Variants in APC2 observed in about 807,000 individuals in gnomAD.
APC2 encodes APC regulator of Wnt signaling pathway 2, also known as adenomatous polyposis coli protein 2.
In APC2, 41 loss-of-function variants were observed where a neutral mutation model predicts 72.5. The observed-to-expected ratio is 0.57, with a 90% CI of 0.44 to 0.73. The LOEUF (loss-of-function observed/expected upper bound fraction) is 0.73. Ranked by LOEUF, APC2 falls within the 30% of genes least tolerant of loss-of-function variation. The probability of loss-of-function intolerance (pLI) is 0.00; values close to 1 mark genes in which losing one functional copy is unlikely to be tolerated. For synonymous variants in APC2, 1,898 were observed against 1,612.0 expected, an observed-to-expected ratio of 1.18 and a Z score of -4.25; for missense variants, 3,729 against 3,403.4, an observed-to-expected ratio of 1.10 and a Z score of -2.38.
Position 1,452,781 on chromosome 19 carries a change from C to T in APC2, c.-18-203C>T. 1 of 600,844 alleles carries T rather than the reference C, an allele frequency of 1.7e-6. No homozygotes were observed. The highest frequency in any genetic ancestry group is 2.9e-6 in the Non-Finnish European group (1 of 349,092). The allele number at this position is 600,844 out of a possible 1,614,324, so 37.2% of individuals were successfully genotyped here. A position where few individuals can be genotyped will look rare whatever the true frequency, so the allele number is the denominator to read the frequency against. Reference sequence around the variant, plus strand: ...TCTCCCCTTGGGGCCACCTCTCACTCCACCTGCCCCTCTGCGCCCCGGATT... The same window carrying T: ...TCTCCCCTTGGGGCCACCTCTCACTTCACCTGCCCCTCTGCGCCCCGGATT... On this transcript the variant is annotated intron_variant, in intron 1 of 14. Coordinates refer to ENST00000590469, the MANE Select transcript of APC2 (RefSeq NM_005883.3). This position sits in a 1 kb window ranked among gnomAD's most constrained non-coding sequence, Gnocchi z 5.1.
At position 1,466,721 on chromosome 19, in the gene APC2, A is replaced by C; in HGVS notation, c.3420A>C (p.Glu1140Asp). The C allele has an allele frequency of 3.3e-6, 5 of 1,535,374 alleles. No homozygotes were observed. Among genetic ancestry groups the C allele is most frequent in the Non-Finnish European group, 3.5e-6 (4 of 1,138,734 alleles). ...ACCGAGGCCGGGGCCTGGGGGTGGA[A>C]GACGCCACGCCGTCCAGCTCGTCGG... ...RRNRGRGLGV[E>D]DATPSSSSEN... The change falls in exon 15 of 15, where the codon GAA becomes GAC. Residue 1140 changes from glutamate to aspartate, a missense_variant. Glu to Asp is a conservative substitution (Grantham distance 45). Coordinates refer to ENST00000590469, the MANE Select transcript of APC2 (RefSeq NM_005883.3).
In APC2 at chr19:1,458,042, C is replaced by T. The variant is rs868027511; in HGVS notation, c.1285C>T (p.Arg429Cys). Residue 429 changes from arginine (R) to cysteine (C), a missense_variant, in exon 10 of 15, where the codon CGT (arginine) becomes TGT (cysteine). By Grantham distance (180) the Arg-to-Cys change is radical (BLOSUM62 -3). Transcript: ENST00000590469. ...MKLSFDEEYR[R>C]AMNELGGLQA... ...GCTGTCCTTTGATGAGGAGTACCGC[C>T]GTGCCATGAACGAGCTAGGTGAGTG... 9 of 1,564,264 alleles carry T rather than the reference C, an allele frequency of 5.8e-6. No homozygotes were observed. Among genetic ancestry groups the T allele is most frequent in the South Asian group, 2.4e-5 (2 of 85,032 alleles).
chr19:1,460,413 C>A, intron 11 of APC2, 93 bp downstream of exon 11: 2 of 1,565,364 alleles, frequency 1.3e-6, no homozygotes, highest in Non-Finnish European at 1.7e-6. Context: ...CGAAACAGCC[C>A]TGAGAGCTGG....
At position 1,466,421 on chromosome 19, in the gene APC2, C is replaced by G. The variant is rs757888565; in HGVS notation, c.3120C>G (p.Pro1040=). The change falls in exon 15 of 15, where the codon CCC becomes CCG. Residue 1040 remains proline (P), a synonymous_variant. Transcript: ENST00000590469. Reference sequence around the variant, plus strand: ...CGGCAGACCACCTGAGCAAGGTTCCCGAGAAGCTGGCGGCTGCCCCGCTGT... The same window carrying G: ...CGGCAGACCACCTGAGCAAGGTTCCGGAGAAGCTGGCGGCTGCCCCGCTGT... ...WLPADHLSKV[P]EKLAAAPLSV... 13 of 1,597,104 alleles carry G rather than the reference C, an allele frequency of 8.1e-6. No homozygotes were observed. The highest frequency in any genetic ancestry group is 1.1e-5 in the Non-Finnish European group (13 of 1,178,744).
chr19:1,454,997 C>CCT, intron 4 of APC2, 152 bp from the exon 5 acceptor site: 1 of 139,968 alleles, frequency 7.1e-6, no homozygotes, highest in Non-Finnish European at 1.3e-5. Flanking sequence ...CCCCCCCCCC[C>CCT]TTACCCTAGC....
Position 1,455,511 on chromosome 19 carries a change from G to A in APC2, c.639+11G>A, listed in dbSNP as rs781318098. On this transcript the variant is annotated intron_variant, in intron 6 of 14. Transcript: ENST00000590469. ...GTGCAGCGGGCACAGGTGCGGCGGT[G>A]GGCGGGGTGGCGCGGCGGTAGGCGG... 42 of 1,594,222 alleles carry A rather than the reference G, an allele frequency of 2.6e-5. No homozygotes were observed. Among genetic ancestry groups the A allele is most frequent in the Non-Finnish European group, 3.2e-5 (38 of 1,170,002 alleles).
At chr19:1,458,970 C>G (rs1453553700) in intron 10 of APC2, among the ~76,000 whole-genome samples, 1 of 152,040 alleles carries the variant, frequency 6.6e-6, no homozygotes, top group Non-Finnish European at 1.5e-5. Context: ...AGGCGCGAGC[C>G]ACCACGCCCG....
chr19:1,473,136 T>C lies in APC2; in HGVS notation c.*2923T>C, dbSNP rs887413681. 1.3e-5 allele frequency: 2 copies of C among 152,248 alleles called. No homozygotes were observed. Among genetic ancestry groups the C allele is most frequent in the Admixed American group, 6.5e-5 (1 of 15,284 alleles). 9.4% of individuals were successfully genotyped at this position (152,248 alleles called of 1,614,324 possible). A position where few individuals can be genotyped will look rare whatever the true frequency, so the allele number is the denominator to read the frequency against. ...AAACGGACGTGTAAATAGTGGTAAA[T>C]AGTGAAAGCCTGTCCTTCCCTAAAT... On this transcript the variant is annotated 3_prime_UTR_variant, in exon 15 of 15. Coordinates refer to ENST00000590469, the MANE Select transcript of APC2 (RefSeq NM_005883.3).
chr19:1,456,158 CGGGTGGGGCAGAGCCAGGGACCAG>C lies in APC2; in HGVS notation c.717+12_717+35del. The C allele has an allele frequency of 6.3e-7, 1 of 1,583,274 alleles. No homozygotes were observed. The highest frequency in any genetic ancestry group is 8.6e-7 in the Non-Finnish European group (1 of 1,167,310). On this transcript the variant is annotated splice_donor_region_variant and intron_variant, in intron 7 of 14. Coordinates refer to ENST00000590469, the MANE Select transcript of APC2 (RefSeq NM_005883.3). ...GTGCAGCAGACGGAGCCCCAGGTAC[CGGGTGGGGCAGAGCCAGGGACCAG>C]GGGTGGTGTCGGCCCAGGCAGAACG... is the stretch of plus-strand genomic sequence containing the variant.
In APC2 at chr19:1,467,537, G is replaced by A; in HGVS notation, c.4236G>A (p.Gln1412=). ...SAASLSDETL[Q]GPPRDQPGGP... Reference sequence around the variant, plus strand: ...CCTCGCTCAGCGACGAGACGCTGCAGGGACCCCCCAGGGACCAGCCCGGGG... The same window carrying A: ...CCTCGCTCAGCGACGAGACGCTGCAAGGACCCCCCAGGGACCAGCCCGGGG... Residue 1412 remains glutamine, a synonymous_variant, in exon 15 of 15, where the codon CAG becomes CAA. Transcript: ENST00000590469. 2 of 1,489,396 alleles carry A rather than the reference G, an allele frequency of 1.3e-6. No homozygotes were observed. Among genetic ancestry groups the A allele is most frequent in the Non-Finnish European group, 1.8e-6 (2 of 1,124,838 alleles). The allele number at this position is 1,489,396 out of a possible 1,614,324, so 92.3% of individuals were successfully genotyped here.
upstream of APC2, among the ~76,000 whole-genome samples, chr19:1,449,957 C>A (rs986170062): frequency 6.6e-6 from 1 of 152,182 alleles, no homozygotes; most frequent in East Asian, 1.9e-4. Context: ...GGTTTCGCCC[C>A]CCGCACTCAC....
chr19:1,456,180 CA>C (rs1568168183), intron 7 of APC2, 27 bp downstream of exon 7: 1 of 1,567,994 alleles, frequency 6.4e-7, no homozygotes, highest in East Asian at 2.3e-5. Context: ...AGCCAGGGAC[CA>C]GGGGTGGTGT....
Position 1,450,203 on chromosome 19 carries a change from C to G in APC2, c.-154C>G. The G allele has an allele frequency of 1.9e-5, 19 of 985,378 alleles. No individual in the cohort carries two copies. The highest frequency in any genetic ancestry group is 2.2e-5 in the Non-Finnish European group (18 of 829,922). 61.0% of individuals were successfully genotyped at this position (985,378 alleles called of 1,614,324 possible). Reference sequence around the variant, plus strand: ...GCTTTGTCCGCCCCGGAGCCCCTGCCCGCGCCGCGGAGACCCCGGAGCCCG... The same window carrying G: ...GCTTTGTCCGCCCCGGAGCCCCTGCGCGCGCCGCGGAGACCCCGGAGCCCG... On this transcript the variant is annotated 5_prime_UTR_variant, in exon 1 of 15. Coordinates refer to ENST00000590469, the MANE Select transcript of APC2 (RefSeq NM_005883.3).
chr19:1,456,159 G>T lies in APC2; in HGVS notation c.717+6G>T, dbSNP rs779328841. ...TGCAGCAGACGGAGCCCCAGGTACC[G>T]GGTGGGGCAGAGCCAGGGACCAGGG... On this transcript the variant is annotated splice_donor_region_variant and intron_variant, in intron 7 of 14. Transcript: ENST00000590469. 28 of 1,581,904 alleles carry T rather than the reference G, an allele frequency of 1.8e-5. No individual in the cohort carries two copies. Among genetic ancestry groups the T allele is most frequent in the Middle Eastern group, 1.7e-4 (1 of 5,846 alleles).
At position 1,470,568 on chromosome 19, in the gene APC2, T is replaced by C. The variant is rs778618120; in HGVS notation, c.*355T>C. 5.2e-4 allele frequency: 107 copies of C among 205,634 alleles called. No individual in the cohort carries two copies. Among genetic ancestry groups the C allele is most frequent in the Non-Finnish European group, 7.9e-4 (86 of 108,696 alleles). 12.7% of individuals were successfully genotyped at this position (205,634 alleles called of 1,614,324 possible). On this transcript the variant is annotated 3_prime_UTR_variant, in exon 15 of 15. Transcript: ENST00000590469. ...AGGCGGTAGCCTCCGGGTCCGGGTC[T>C]GGGTCTGGGTCCGCTGCTTCGCAGG...
Position 1,461,161 on chromosome 19 carries a change from C to CCCGGTGGG in APC2, c.1638+10_1638+17dup. 1 of 1,605,988 alleles carries CCCGGTGGG rather than the reference C, an allele frequency of 6.2e-7. No homozygotes were observed. The highest frequency in any genetic ancestry group is 1.3e-5 in the African/African-American group (1 of 75,006). On this transcript the variant is annotated intron_variant, in intron 13 of 14. Transcript: ENST00000590469. The stretch of plus-strand genomic sequence containing the variant: ...GTCCTGCGGGCCACCAAGGTGGGCA[C>CCCGGTGGG]CCGGTGGGCGGCAGGGATGCTTCTT...
At position 1,468,523 on chromosome 19, in the gene APC2, C is replaced by T. The variant is rs765291183; in HGVS notation, c.5222C>T (p.Ala1741Val). The T allele has an allele frequency of 1.3e-5, 21 of 1,602,428 alleles. No homozygotes were observed. The highest frequency in any genetic ancestry group is 1.5e-5 in the Non-Finnish European group (18 of 1,173,940). Residue 1741 changes from alanine to valine, a missense_variant, in exon 15 of 15, where the codon GCG becomes GTG. Transcript: ENST00000590469. ...QPPKHRKGRQ[A>V]EGEMGSARRP... ...CCCAAGCACAGGAAGGGACGACAGG[C>T]GGAGGGAGAAATGGGCAGTGCCCGG... is the stretch of plus-strand genomic sequence containing the variant.
rs760286752 is a variant in APC2 at position 1,466,745 on chromosome 19, G to C, written c.3444G>C (p.Ser1148=). 1.9e-6 allele frequency: 3 copies of C among 1,545,546 alleles called. No individual in the cohort carries two copies. Among genetic ancestry groups the C allele is most frequent in the South Asian group, 2.4e-5 (2 of 84,156 alleles). Residue 1148 remains serine (S), a synonymous_variant, in exon 15 of 15, where the codon TCG becomes TCC. Transcript: ENST00000590469. ...GVEDATPSSS[S]ENYVQETPLV... is the part of the protein sequence containing the mutation. ...AAGACGCCACGCCGTCCAGCTCGTC[G>C]GAGAACTACGTGCAGGAGACACCGC...
rs1487507126 is a variant in APC2 at position 1,470,243 on chromosome 19, C to A, written c.*30C>A. 6.5e-7 allele frequency: 1 copy of A among 1,543,344 alleles called. No individual in the cohort carries two copies. The highest frequency in any genetic ancestry group is 2.4e-5 in the East Asian group (1 of 41,070). ...CTAGGCCGGCCTTCTGGAACGTTCT[C>A]TCCCGGCCCTGCGGCGCGGTCTGGC... On this transcript the variant is annotated 3_prime_UTR_variant, in exon 15 of 15. Transcript: ENST00000590469.
Sources: allele counts gnomAD v4.1 joint callset (sites outside exome capture counted in the v4.1 genomes callset), GRCh38; gene constraint gnomAD v4.1.1; non-coding constraint Gnocchi (gnomAD v3.1); transcripts MANE v1.5; gene names NCBI Gene and HGNC (gene_info 2026-07-23, HGNC 2026-07-21).